REDIC1: variants seen among roughly 807,000 people sequenced by gnomAD.
REDIC1 encodes the protein HEI10 Interacting Protein 1.
At chr12:39,688,007 C>T in the REDIC1 span, among the ~76,000 whole-genome samples, 1 of 152,186 alleles carries the variant, frequency 6.6e-6, no homozygotes, top group African/African-American at 2.4e-5. Context: ...ATACTGTTTT[C>T]CCTTTTTTCT....
At chr12:39,715,635 G>T in the REDIC1 span, among the ~76,000 whole-genome samples, 4 of 151,872 alleles carry the variant, frequency 2.6e-5, no homozygotes, top group Admixed American at 6.6e-5. Flanking sequence ...ACTAAGCAAA[G>T]ATAACAAATC....
chr12:39,851,261 TG>T, the REDIC1 span, among the ~76,000 whole-genome samples: 1 of 152,158 alleles, frequency 6.6e-6, no homozygotes, highest in Admixed American at 6.6e-5. Context: ...GTTTCCAAAA[TG>T]GACAAATTAG....
the REDIC1 span, among the ~76,000 whole-genome samples, chr12:39,811,872 A>G: frequency 2.2e-4 from 34 of 152,298 alleles, 1 homozygote; most frequent in Middle Eastern, 3.4e-3. Flanking sequence ...TTCATGTCTA[A>G]TTGGACAACT....
At chr12:39,800,147 TG>T in the REDIC1 span, among the ~76,000 whole-genome samples, 6 of 152,314 alleles carry the variant, frequency 3.9e-5, no homozygotes, top group African/African-American at 1.4e-4. Flanking sequence ...GCTTCCCAAA[TG>T]GGTAATATAA....
chr12:39,721,313 G>A, the REDIC1 span: 16 of 1,393,110 alleles, frequency 1.1e-5, no homozygotes, highest in Admixed American at 6.7e-5. Context: ...AACAGTAAAT[G>A]TTGAAAATTT....
the REDIC1 span, among the ~76,000 whole-genome samples, chr12:39,856,522 C>G: frequency 1.3e-5 from 2 of 152,154 alleles, no homozygotes; most frequent in Non-Finnish European, 2.9e-5. Context: ...GCGCATGCCA[C>G]CATGCCCAGC....
the REDIC1 span, among the ~76,000 whole-genome samples, chr12:39,741,241 A>T: frequency 1.3e-5 from 2 of 152,190 alleles, no homozygotes; most frequent in Non-Finnish European, 2.9e-5. Flanking sequence ...ATGTTCATTA[A>T]ATTTACATCT....
chr12:39,833,245 T>C, the REDIC1 span, among the ~76,000 whole-genome samples: 1 of 152,150 alleles, frequency 6.6e-6, no homozygotes, highest in Non-Finnish European at 1.5e-5. Flanking sequence ...AAAAATGATA[T>C]GGCCTGCAAA....
At chr12:39,767,650 T>C in the REDIC1 span, among the ~76,000 whole-genome samples, 3 of 152,068 alleles carry the variant, frequency 2.0e-5, no homozygotes, top group African/African-American at 4.8e-5. Flanking sequence ...TATAGCCACC[T>C]GATATGGTTT....
At chr12:39,713,025 GTGTATATGTATATATACATGTGTATA>G in the REDIC1 span, among the ~76,000 whole-genome samples, 1 of 134,864 alleles carries the variant, frequency 7.4e-6, no homozygotes, top group African/African-American at 3.0e-5. Context: ...GTGTATATAC[GTGTATATGTATATATACATGTGTATA>G]TACGTGTATA....
At chr12:39,638,255 C>T in the REDIC1 span, among the ~76,000 whole-genome samples, 1 of 152,008 alleles carries the variant, frequency 6.6e-6, no homozygotes, top group Non-Finnish European at 1.5e-5. Context: ...GACTGCAGTG[C>T]ATCTGTTTTT....
chr12:39,895,974 A>G, the REDIC1 span, among the ~76,000 whole-genome samples: 1 of 134,024 alleles, frequency 7.5e-6, no homozygotes. Flanking sequence ...ACATGTGTAT[A>G]TGTATACATA....
the REDIC1 span, among the ~76,000 whole-genome samples, chr12:39,797,739 C>CAT: frequency 1.0e-4 from 3 of 29,726 alleles, no homozygotes; most frequent in African/African-American, 2.2e-4. Context: ...CACACACACA[C>CAT]ACACACACAC....
chr12:39,747,225 C>A, the REDIC1 span, among the ~76,000 whole-genome samples: 2 of 152,184 alleles, frequency 1.3e-5, no homozygotes, highest in South Asian at 4.2e-4. Flanking sequence ...GTAGAGAAGT[C>A]CTTAAATGAC....
the REDIC1 span, among the ~76,000 whole-genome samples, chr12:39,748,018 A>T: frequency 6.6e-6 from 1 of 152,216 alleles, no homozygotes; most frequent in Non-Finnish European, 1.5e-5. Context: ...AACTGCATCA[A>T]CTAACGAGCA....
the REDIC1 span, among the ~76,000 whole-genome samples, chr12:39,804,193 T>C: frequency 4.5e-4 from 69 of 152,104 alleles, 1 homozygote; most frequent in Non-Finnish European, 4.9e-4. Flanking sequence ...GTTGAAATAT[T>C]TGTGAAGAAA....
chr12:39,875,651 G>A, the REDIC1 span, among the ~76,000 whole-genome samples: 1 of 152,192 alleles, frequency 6.6e-6, no homozygotes, highest in Non-Finnish European at 1.5e-5. Flanking sequence ...TATTTAAAAG[G>A]TAATCAGTTC....
chr12:39,663,181 G>T, the REDIC1 span, among the ~76,000 whole-genome samples: 1 of 151,788 alleles, frequency 6.6e-6, no homozygotes, highest in East Asian at 1.9e-4. Flanking sequence ...TTGTGTAGTT[G>T]ATCTGTCTTA....
At chr12:39,903,100 G>A in the REDIC1 span, among the ~76,000 whole-genome samples, 1 of 152,154 alleles carries the variant, frequency 6.6e-6, no homozygotes, top group African/African-American at 2.4e-5. Context: ...TCCAATTAGT[G>A]AGTCTAGATA....
Sources: gnomAD v4.1 joint callset for allele counts (sites outside exome capture counted in the v4.1 genomes callset) on GRCh38, gnomAD v4.1.1 for gene constraint, MANE v1.5 for transcripts, NCBI Gene and HGNC (gene_info 2026-07-23, HGNC 2026-07-21) for gene names.